NRXN3: variants seen among roughly 807,000 people sequenced by gnomAD.
NRXN3 encodes neurexin 3.
Under a neutral mutation model 137.6 loss-of-function variants are expected in NRXN3, and 32 were observed. That is an observed-to-expected ratio of 0.23 (90% confidence interval 0.18 to 0.31). The LOEUF (loss-of-function observed/expected upper bound fraction) is 0.31. Ranked by LOEUF, NRXN3 falls within the 10% of genes least tolerant of loss-of-function variation. NRXN3 has a pLI of 1.00. For synonymous variants in NRXN3, 798 were observed against 784.5 expected, an observed-to-expected ratio of 1.02 and a Z score of -0.29; for missense variants, 1,574 against 2,062.5, an observed-to-expected ratio of 0.76 and a Z score of 4.59.
intron 2 of NRXN3, among the ~76,000 whole-genome samples, chr14:78,269,341 T>C (rs941540579): frequency 6.6e-6 from 1 of 152,178 alleles, no homozygotes; most frequent in African/African-American, 2.4e-5. Context: ...AAGCCAGTCA[T>C]AAAAAGACAA....
intron 10 of NRXN3, among the ~76,000 whole-genome samples, chr14:78,915,218 G>GAGTTTTCA (rs991880216): frequency 1.3e-5 from 2 of 151,746 alleles, no homozygotes; most frequent in African/African-American, 4.8e-5. Context: ...GTCAAGGATT[G>GAGTTTTCA]AGTTTTCAAT....
At chr14:79,102,992 C>G (rs2051638514) in intron 15 of NRXN3, among the ~76,000 whole-genome samples, 1 of 152,116 alleles carries the variant, frequency 6.6e-6, no homozygotes, top group South Asian at 2.1e-4. Context: ...TAAATAGTTG[C>G]ATTACATAGT....
At chr14:79,470,917 T>TGA (rs1173998700) in intron 16 of NRXN3, among the ~76,000 whole-genome samples, 35 of 122,314 alleles carry the variant, frequency 2.9e-4, no homozygotes, top group African/African-American at 1.1e-3. Flanking sequence ...TGTGTGTGTG[T>TGA]GTGAGAGAGA....
At chr14:79,720,719 G>C (rs1161330460) in intron 19 of NRXN3, among the ~76,000 whole-genome samples, 1 of 151,988 alleles carries the variant, frequency 6.6e-6, no homozygotes, top group East Asian at 1.9e-4. Flanking sequence ...AGACAGTTAA[G>C]TCAATTGCAC....
chr14:78,322,922 C>T (rs1427386199), intron 4 of NRXN3, among the ~76,000 whole-genome samples: 4 of 152,108 alleles, frequency 2.6e-5, no homozygotes, highest in South Asian at 2.1e-4. Flanking sequence ...CTATCTTCCC[C>T]GCACTATGCC....
intron 4 of NRXN3, among the ~76,000 whole-genome samples, chr14:78,606,558 G>A (rs890440735): frequency 6.6e-6 from 1 of 152,098 alleles, no homozygotes; most frequent in Non-Finnish European, 1.5e-5. Flanking sequence ...GGTCTCTCCC[G>A]CTAGGCTGTG....
chr14:78,913,274 C>CTTTTTTTTT lies in NRXN3; in HGVS notation c.2276-43952_2276-43944dup, dbSNP rs1157942892. Among the ~76,000 whole-genome samples the CTTTTTTTTT allele has an allele frequency of 2.2e-3, 106 of 47,848 alleles. 1 individual carries two copies. Among genetic ancestry groups the CTTTTTTTTT allele is most frequent in the Non-Finnish European group, 3.3e-3 (92 of 28,176 alleles). 31.4% of individuals were successfully genotyped at this position (47,848 alleles called of 152,430 possible). A position where few individuals can be genotyped will look rare whatever the true frequency, so the allele number is the denominator to read the frequency against. On this transcript the variant is annotated intron_variant, in intron 10 of 20. Coordinates refer to ENST00000335750, the MANE Select transcript of NRXN3 (RefSeq NM_001330195.2). Reference sequence around the variant, plus strand: ...TCTTTCTTTCTTTCTTTCTTTCTTTCTTTTTTTTTTTTTTTTTTTTTTTTG... The same window carrying CTTTTTTTTT: ...TCTTTCTTTCTTTCTTTCTTTCTTTCTTTTTTTTTTTTTTTTTTTTTTTTTTTTTTTTTG...
In NRXN3 at chr14:79,730,980, C is replaced by T. The variant is rs1437951286; in HGVS notation, c.4014+33043C>T. Among the ~76,000 whole-genome samples the T allele has an allele frequency of 2.6e-5, 4 of 152,122 alleles. No homozygotes were observed. The South Asian group carries it at 6.2e-4, about 24-fold the overall frequency. On this transcript the variant is annotated intron_variant, in intron 19 of 20. Transcript: ENST00000335750. Reference sequence around the variant, plus strand: ...AAAGTAATCCCTGTGCCTACCCAATCGTTCTAATGTGATGTTTCCTTTGGA... The same window carrying T: ...AAAGTAATCCCTGTGCCTACCCAATTGTTCTAATGTGATGTTTCCTTTGGA...
In NRXN3 at chr14:79,342,765, A is replaced by G. The variant is rs2092676484; in HGVS notation, c.3263-124456A>G. ...CAACCAATAAAACCAAGTCACTGAC[A>G]TGTAACTGTAACCGCCCAATGGGTT... On this transcript the variant is annotated intron_variant, in intron 15 of 20. Coordinates refer to ENST00000335750, the MANE Select transcript of NRXN3 (RefSeq NM_001330195.2). Among the ~76,000 whole-genome samples, 4 of 152,302 alleles carry G rather than the reference A, an allele frequency of 2.6e-5. No individual in the cohort carries two copies. In the South Asian group the frequency reaches 8.3e-4, roughly 32 times the overall value.
intron 10 of NRXN3, among the ~76,000 whole-genome samples, chr14:78,933,081 A>G (rs61994013): frequency 0.03 from 4,559 of 152,226 alleles, 126 homozygotes; most frequent in African/African-American, 0.058. Flanking sequence ...ATGATGCCCA[A>G]TGCTTGTCTC....
At chr14:79,233,682 G>T (rs990310804) in intron 15 of NRXN3, among the ~76,000 whole-genome samples, 1 of 151,912 alleles carries the variant, frequency 6.6e-6, no homozygotes, top group Non-Finnish European at 1.5e-5. Flanking sequence ...GTGTGTGTGT[G>T]TGTGTGTGTG....
chr14:78,533,076 ATCTC>A (rs141206269), intron 4 of NRXN3, among the ~76,000 whole-genome samples: 5 of 143,958 alleles, frequency 3.5e-5, no homozygotes, highest in African/African-American at 1.3e-4. Flanking sequence ...CCCAACTGAT[ATCTC>A]TCTCTCTCTC....
chr14:79,257,843 G>A (rs2077007697), intron 15 of NRXN3, among the ~76,000 whole-genome samples: 1 of 151,764 alleles, frequency 6.6e-6, no homozygotes, highest in South Asian at 2.1e-4. Context: ...TAAAATTATT[G>A]TATTTTCCTT....
At chr14:79,162,513 G>A (rs2060887080) in intron 15 of NRXN3, among the ~76,000 whole-genome samples, 1 of 151,712 alleles carries the variant, frequency 6.6e-6, no homozygotes, top group Non-Finnish European at 1.5e-5. Context: ...TGGTGTATAT[G>A]TGCATCCATC....
intron 4 of NRXN3, among the ~76,000 whole-genome samples, chr14:78,393,050 C>A (rs2090979919): frequency 6.6e-6 from 1 of 152,080 alleles, no homozygotes; most frequent in South Asian, 2.1e-4. Flanking sequence ...ATTCTCTGAG[C>A]TCTAGATTTT....
chr14:79,414,264 A>T (rs977878855), intron 15 of NRXN3, among the ~76,000 whole-genome samples: 1 of 152,138 alleles, frequency 6.6e-6, no homozygotes, highest in Non-Finnish European at 1.5e-5. Flanking sequence ...AGCATCCTAT[A>T]ACTTGATGAC....
intron 4 of NRXN3, among the ~76,000 whole-genome samples, chr14:78,565,807 G>A (rs2096831022): frequency 6.6e-6 from 1 of 152,158 alleles, no homozygotes; most frequent in South Asian, 2.1e-4. Flanking sequence ...CAGAGGCATT[G>A]GGGATTCATC....
chr14:78,554,908 C>T (rs1420543209), intron 4 of NRXN3, among the ~76,000 whole-genome samples: 1 of 152,102 alleles, frequency 6.6e-6, no homozygotes, highest in African/African-American at 2.4e-5. Flanking sequence ...AGCCATCCAC[C>T]AAGCCACCCA....
At chr14:79,545,713 G>A (rs1448859350) in intron 16 of NRXN3, among the ~76,000 whole-genome samples, 3 of 151,528 alleles carry the variant, frequency 2.0e-5, no homozygotes, top group Admixed American at 2.0e-4. Flanking sequence ...AATGGAGCCT[G>A]GTGAAAAATG....
Sources: gnomAD v4.1 joint callset for allele counts (sites outside exome capture counted in the v4.1 genomes callset) on GRCh38, gnomAD v4.1.1 for gene constraint, MANE v1.5 for transcripts, NCBI Gene and HGNC (gene_info 2026-07-23, HGNC 2026-07-21) for gene names.